Variants in ZNF30 observed in about 807,000 individuals in gnomAD.
ZNF30 encodes the protein zinc finger protein 30.
In ZNF30, 15 loss-of-function variants were observed where a neutral mutation model predicts 13.2. The ratio of observed to expected loss-of-function variants is 1.13; its 90% CI spans 0.76 to 1.75. The LOEUF (loss-of-function observed/expected upper bound fraction) is 1.75. Among genes scored for constraint, ZNF30 ranks in the 40% most tolerant of loss-of-function variants. ZNF30 has a pLI of 0.00. For missense variants in ZNF30, 726 were observed against 757.0 expected (o/e 0.96, Z 0.48); for synonymous variants, 223 against 256.6 (o/e 0.87, Z 1.25).
upstream of ZNF30, among the ~76,000 whole-genome samples, chr19:34,924,757 A>G (rs1426799642): frequency 6.6e-6 from 1 of 152,164 alleles, no homozygotes; most frequent in East Asian, 1.9e-4. Flanking sequence ...TAGATACCCA[A>G]TGAGTTTCAG....
At chr19:34,928,226 T>A (rs867433404) in intron 1 of ZNF30, among the ~76,000 whole-genome samples, 611 of 59,018 alleles carry the variant, frequency 0.01, 5 homozygotes, top group African/African-American at 0.07. Flanking sequence ...AAAAAATATA[T>A]ATATATATAT....
chr19:34,941,971 G>C (rs1046140053), intron 4 of ZNF30, among the ~76,000 whole-genome samples: 1 of 152,048 alleles, frequency 6.6e-6, no homozygotes, highest in Non-Finnish European at 1.5e-5. Flanking sequence ...CCACATTATT[G>C]AGTATGTTTC....
At chr19:34,926,559 C>T (rs2012080729), upstream of ZNF30, among the ~76,000 whole-genome samples, 1 of 152,198 alleles carries the variant, frequency 6.6e-6, no homozygotes, top group Non-Finnish European at 1.5e-5. Flanking sequence ...CTAATTGCCA[C>T]TATTAATCCT....
At chr19:34,939,177 C>A in intron 4 of ZNF30, among the ~76,000 whole-genome samples, 1 of 133,802 alleles carries the variant, frequency 7.5e-6, no homozygotes. Flanking sequence ...CCGCTCCCCT[C>A]CCTCCCCTAT....
At chr19:34,933,196 C>T (rs1014639380) in intron 3 of ZNF30, among the ~76,000 whole-genome samples, 5 of 152,066 alleles carry the variant, frequency 3.3e-5, no homozygotes, top group African/African-American at 1.2e-4. Flanking sequence ...TGGTTCATGC[C>T]TGTAATCCCA....
intron 4 of ZNF30, among the ~76,000 whole-genome samples, chr19:34,934,524 C>G (rs865887861): frequency 6.6e-6 from 1 of 152,130 alleles, no homozygotes; most frequent in Non-Finnish European, 1.5e-5. Context: ...CTTGGCCTCC[C>G]AAAGTACTGA....
At chr19:34,943,102 T>C (rs1266219115) in intron 4 of ZNF30, 121 bp from the exon 5 acceptor site, 1 of 635,138 alleles carries the variant, frequency 1.6e-6, no homozygotes, top group African/African-American at 1.9e-5. Flanking sequence ...AATTTCATAA[T>C]GGTGTTTTAA....
chr19:34,928,983 C>T (rs527868811), intron 1 of ZNF30, among the ~76,000 whole-genome samples: 31 of 152,102 alleles, frequency 2.0e-4, no homozygotes, highest in African/African-American at 5.5e-4. Flanking sequence ...AGGGAGCTAC[C>T]ATAGTAAGAG....
chr19:34,929,759 C>G, intron 1 of ZNF30, 125 bp from the exon 2 acceptor site: 1 of 540,672 alleles, frequency 1.8e-6, no homozygotes, highest in Non-Finnish European at 3.2e-6. Context: ...TTCCACTGTT[C>G]TCCAAATTTT....
chr19:34,944,082 C>T lies in ZNF30; in HGVS notation c.1116C>T (p.Tyr372=), dbSNP rs61181887. The change falls in exon 5 of 5, where the codon TAC becomes TAT. Residue 372 remains tyrosine (Y), a synonymous_variant. Transcript: ENST00000601142. The stretch of plus-strand genomic sequence containing the variant: ...GAATTCATGCAGAGATAAAGCCCTA[C>T]GGATGCAAGGAATGCGGGAGAACCT... ...HQRIHAEIKP[Y]GCKECGRTFS... 14,668 of 1,613,524 alleles carry T rather than the reference C, an allele frequency of 9.1e-3. 1,056 individuals carry two copies. The African/African-American group carries it at 0.17, about 19-fold the overall frequency.
At position 34,943,782 on chromosome 19, in the gene ZNF30, T is replaced by G. The variant is rs746030002; in HGVS notation, c.816T>G (p.Phe272Leu). 14 of 1,613,180 alleles carry G rather than the reference T, an allele frequency of 8.7e-6. No homozygotes were observed. The highest frequency in any genetic ancestry group is 1.2e-5 in the Non-Finnish European group (14 of 1,179,648). The part of the protein sequence containing the change: ...CEECGKAFST[F>L]SYLVQHQRIH... ...AGTGTGGGAAGGCCTTCAGTACCTT[T>G]TCATACCTGGTTCAACATCAGCGAA... The change falls in exon 5 of 5, where the codon TTT (phenylalanine) becomes TTG (leucine). Residue 272 changes from phenylalanine to leucine, a missense_variant. Physicochemically the swap from Phe to Leu is conservative, Grantham distance 22. Transcript: ENST00000601142.
intron 4 of ZNF30, among the ~76,000 whole-genome samples, chr19:34,935,176 A>G (rs1426791179): frequency 1.3e-5 from 2 of 152,070 alleles, no homozygotes; most frequent in Non-Finnish European, 2.9e-5. Context: ...GCTTGCAGTG[A>G]GCCAAGATTG....
At chr19:34,941,376 T>C (rs2151674096) in intron 4 of ZNF30, among the ~76,000 whole-genome samples, 1 of 152,326 alleles carries the variant, frequency 6.6e-6, no homozygotes, top group South Asian at 2.1e-4. Flanking sequence ...GTGATTCTCC[T>C]GCCTCAGCCT....
Position 34,944,741 on chromosome 19 carries a change from G to T in ZNF30, c.1775G>T (p.Gly592Val). ...ACTGAACATCAGCGGGTACACACTG[G>T]TGAGAAACCCTTTAAATGCAAAAAA... ...FLTEHQRVHT[G>V]EKPFKCKKCG... The change falls in exon 5 of 5, where the codon GGT becomes GTT. Residue 592 changes from glycine (G) to valine (V), a missense_variant. Physicochemically the swap from Gly to Val is moderately radical, Grantham distance 109. Coordinates refer to ENST00000601142, the MANE Select transcript of ZNF30 (RefSeq NM_194325.3). The T allele has an allele frequency of 6.2e-7, 1 of 1,613,998 alleles. No individual in the cohort carries two copies. Among genetic ancestry groups the T allele is most frequent in the Non-Finnish European group, 8.5e-7 (1 of 1,179,918 alleles).
intron 1 of ZNF30, among the ~76,000 whole-genome samples, chr19:34,928,256 G>GATAGAT (rs2012230814): frequency 4.6e-5 from 2 of 43,914 alleles, no homozygotes; most frequent in Middle Eastern, 0.016. Context: ...TATATATATA[G>GATAGAT]ATAGATAGAT....
chr19:34,943,644 T>C lies in ZNF30; in HGVS notation c.678T>C (p.His226=), dbSNP rs1291442623. The change falls in exon 5 of 5, where the codon CAT becomes CAC. Residue 226 remains histidine, a synonymous_variant. Transcript: ENST00000601142. Reference sequence around the variant, plus strand: ...AACTTACAGTACATAAGAGTATTCATACTGGGAAGAAACCATATGAGTGCG... The same window carrying C: ...AACTTACAGTACATAAGAGTATTCACACTGGGAAGAAACCATATGAGTGCG... ...SYQLTVHKSI[H]TGKKPYECGE... 2 of 1,613,644 alleles carry C rather than the reference T, an allele frequency of 1.2e-6. No homozygotes were observed. Among genetic ancestry groups the C allele is most frequent in the Non-Finnish European group, 1.7e-6 (2 of 1,179,812 alleles).
At chr19:34,932,554 T>G (rs8101694) in intron 3 of ZNF30, among the ~76,000 whole-genome samples, 65,100 of 151,948 alleles carry the variant, frequency 0.43, 15,402 homozygotes, top group African/African-American at 0.64. Flanking sequence ...CTGTGTGCTG[T>G]TTCACTGTTC....
intron 4 of ZNF30, among the ~76,000 whole-genome samples, chr19:34,937,668 A>T (rs1209294330): frequency 6.6e-6 from 1 of 151,914 alleles, no homozygotes; most frequent in Non-Finnish European, 1.5e-5. Flanking sequence ...TAGGAGTTCG[A>T]GGCTGCAGTG....
rs1029839883 is a variant in ZNF30 at position 34,943,203 on chromosome 19, T to G, written c.257-20T>G. 1 of 1,433,840 alleles carries G rather than the reference T, an allele frequency of 7.0e-7. No homozygotes were observed. Among genetic ancestry groups the G allele is most frequent in the Non-Finnish European group, 9.2e-7 (1 of 1,090,904 alleles). 88.8% of individuals were successfully genotyped at this position (1,433,840 alleles called of 1,614,324 possible). A position where few individuals can be genotyped will look rare whatever the true frequency, so the allele number is the denominator to read the frequency against. ...TTTTTTCAAATAGAAAAATAAGATATTTTTAAAATTTTCTTTCAGATTTGC... is the reference window on the plus strand; with the variant it reads ...TTTTTTCAAATAGAAAAATAAGATAGTTTTAAAATTTTCTTTCAGATTTGC... On this transcript the variant is annotated intron_variant, in intron 4 of 4. Transcript: ENST00000601142.
Sources: allele counts gnomAD v4.1 joint callset (sites outside exome capture counted in the v4.1 genomes callset), GRCh38; gene constraint gnomAD v4.1.1; transcripts MANE v1.5; gene names NCBI Gene and HGNC (gene_info 2026-07-23, HGNC 2026-07-21).